The following ROCK1 variants were observed in gnomAD, a reference collection of about 807,000 sequenced individuals.
ROCK1 encodes Rho associated coiled-coil containing protein kinase 1.
In ROCK1, 36 loss-of-function variants were observed where a neutral mutation model predicts 196.8. That is an observed-to-expected ratio of 0.18 (90% CI 0.14 to 0.24). The LOEUF is 0.24. ROCK1 is among the 10% of genes least tolerant of loss of function. The pLI is 1.00. For synonymous variants in ROCK1, 443 were observed against 515.9 expected, an observed-to-expected ratio of 0.86 and a Z score of 1.91; for missense variants, 920 against 1,562.0, an observed-to-expected ratio of 0.59 and a Z score of 6.93.
At chr18:21,061,655 T>C (rs568830422) in intron 2 of ROCK1, among the ~76,000 whole-genome samples, 1 of 152,286 alleles carries the variant, frequency 6.6e-6, no homozygotes, top group Admixed American at 6.5e-5. Context: ...ATCCAGATTC[T>C]AACAAATGAA....
intron 3 of ROCK1, 27 bp downstream of exon 3, chr18:21,049,752 CT>C: frequency 8.0e-7 from 1 of 1,252,976 alleles, no homozygotes. Flanking sequence ...TAATAAAGTC[CT>C]TTTGTATTCT....
At chr18:21,072,090 A>C (rs2036390349) in intron 1 of ROCK1, among the ~76,000 whole-genome samples, 1 of 152,228 alleles carries the variant, frequency 6.6e-6, no homozygotes, top group Non-Finnish European at 1.5e-5. Context: ...ATCTTAGGTC[A>C]TGATGTTAAA....
In ROCK1 at chr18:21,045,272, T is replaced by G. The variant is rs369891963; in HGVS notation, c.590+20A>C. ...ATTTCCCTCAACAAATGAGAAAATT[T>G]AAAGCACTTTTATCTTTACCTGTGA... On this transcript the variant is annotated intron_variant, in intron 5 of 32. Coordinates refer to ENST00000399799, the MANE Select transcript of ROCK1 (RefSeq NM_005406.3). The G allele has an allele frequency of 1.9e-6, 3 of 1,554,628 alleles. No homozygotes were observed. In the African/African-American group the frequency reaches 4.2e-5, roughly 22 times the overall value.
intron 4 of ROCK1, among the ~76,000 whole-genome samples, chr18:21,046,645 G>T (rs560912872): frequency 6.6e-6 from 1 of 152,216 alleles, no homozygotes; most frequent in South Asian, 2.1e-4. Context: ...AATATATTAT[G>T]TGACTGGGGA....
At chr18:21,077,175 T>G (rs1256756979) in intron 1 of ROCK1, among the ~76,000 whole-genome samples, 2 of 151,386 alleles carry the variant, frequency 1.3e-5, no homozygotes, top group Non-Finnish European at 2.9e-5. Context: ...GGGTTTCACC[T>G]TGTTAGCCAG....
intron 20 of ROCK1, among the ~76,000 whole-genome samples, chr18:20,984,078 A>G (rs1311615484): frequency 1.3e-5 from 2 of 152,202 alleles, no homozygotes; most frequent in Non-Finnish European, 2.9e-5. Flanking sequence ...AACCTTGAAC[A>G]TCTCCTACAA....
chr18:21,021,294 A>G (rs1225902243), intron 11 of ROCK1, among the ~76,000 whole-genome samples: 1 of 152,202 alleles, frequency 6.6e-6, no homozygotes, highest in Non-Finnish European at 1.5e-5. Flanking sequence ...TCAGGACTGG[A>G]GCTCAGACAA....
chr18:21,039,206 A>C (rs534168954), intron 9 of ROCK1, among the ~76,000 whole-genome samples: 1 of 152,334 alleles, frequency 6.6e-6, no homozygotes. Flanking sequence ...GAACAATTCA[A>C]CAAAGATCAA....
intron 2 of ROCK1, among the ~76,000 whole-genome samples, chr18:21,059,811 T>C (rs1212959163): frequency 6.6e-6 from 1 of 152,144 alleles, no homozygotes; most frequent in Admixed American, 6.5e-5. Context: ...GATAAGCAGA[T>C]AAACAAAATG....
chr18:21,090,633 C>T (rs1418432555), intron 1 of ROCK1, among the ~76,000 whole-genome samples: 2 of 152,190 alleles, frequency 1.3e-5, no homozygotes, highest in Non-Finnish European at 2.9e-5. Context: ...TACATTTAAA[C>T]AAATTATCAA....
intron 29 of ROCK1, among the ~76,000 whole-genome samples, chr18:20,956,483 T>C (rs968715559): frequency 2.6e-5 from 4 of 152,184 alleles, no homozygotes; most frequent in African/African-American, 7.2e-5. Context: ...GCTGACTGTG[T>C]GTAGAAAAGC....
chr18:21,043,829 G>C (rs2036132095), intron 6 of ROCK1, among the ~76,000 whole-genome samples: 1 of 151,872 alleles, frequency 6.6e-6, no homozygotes, highest in African/African-American at 2.4e-5. Flanking sequence ...CTAGTTACCA[G>C]TAGTGTATAT....
At chr18:21,005,903 T>G (rs1222579118) in intron 16 of ROCK1, among the ~76,000 whole-genome samples, 1 of 152,128 alleles carries the variant, frequency 6.6e-6, no homozygotes, top group African/African-American at 2.4e-5. Flanking sequence ...TAAAAAAGAA[T>G]GCAACCATTT....
chr18:21,079,224 G>T (rs542608135), intron 1 of ROCK1, among the ~76,000 whole-genome samples: 1 of 152,266 alleles, frequency 6.6e-6, no homozygotes, highest in East Asian at 1.9e-4. Flanking sequence ...TCCCTTCCTT[G>T]CAGGAGTGAA....
intron 1 of ROCK1, among the ~76,000 whole-genome samples, chr18:21,100,373 G>GATGA (rs1321382340): frequency 6.0e-5 from 9 of 150,542 alleles, no homozygotes; most frequent in Non-Finnish European, 1.5e-5. Flanking sequence ...AAATGTACAA[G>GATGA]ATGAGCCTGA....
intron 22 of ROCK1, 35 bp downstream of exon 22, chr18:20,979,875 G>A (rs2035514766): frequency 6.6e-7 from 1 of 1,510,306 alleles, no homozygotes; most frequent in Admixed American, 2.3e-5. Context: ...GCCTGTTGCA[G>A]TACTGATTCT....
intron 18 of ROCK1, among the ~76,000 whole-genome samples, chr18:20,988,000 A>G (rs912747129): frequency 6.6e-6 from 1 of 152,146 alleles, no homozygotes; most frequent in Non-Finnish European, 1.5e-5. Context: ...AAGTTAACAT[A>G]TCCACAATAG....
At chr18:20,994,015 T>TTAGAAA (rs2035649404) in intron 16 of ROCK1, among the ~76,000 whole-genome samples, 9 of 152,296 alleles carry the variant, frequency 5.9e-5, no homozygotes, top group Admixed American at 5.9e-4. Flanking sequence ...TCTAGTCACC[T>TTAGAAA]CCCATATTTC....
At chr18:21,027,025 G>A (rs555788075) in intron 10 of ROCK1, among the ~76,000 whole-genome samples, 54 of 147,222 alleles carry the variant, frequency 3.7e-4, no homozygotes, top group Non-Finnish European at 6.5e-4. Flanking sequence ...TGTAACCTCC[G>A]CCCCCCAGGT....
Sources: gnomAD v4.1 joint callset for allele counts (sites outside exome capture counted in the v4.1 genomes callset) on GRCh38, gnomAD v4.1.1 for gene constraint, MANE v1.5 for transcripts, NCBI Gene and HGNC (gene_info 2026-07-23, HGNC 2026-07-21) for gene names.